The following SLC35D4 variants were observed in gnomAD, a reference collection of about 807,000 sequenced individuals.
SLC35D4 encodes UDP-N-acetylglucosamine transporter SLC35D4.
chr18:23,333,153 A>T, the SLC35D4 span, among the ~76,000 whole-genome samples: 1 of 152,250 alleles, frequency 6.6e-6, no homozygotes, highest in Non-Finnish European at 1.5e-5. Flanking sequence ...TAGAGTAAAC[A>T]TTCTTAAAAA....
At chr18:23,246,678 A>G in the SLC35D4 span, among the ~76,000 whole-genome samples, 2 of 151,418 alleles carry the variant, frequency 1.3e-5, no homozygotes, top group South Asian at 2.1e-4. Context: ...TGCTTGAGCC[A>G]CCGCACCCGG....
At chr18:23,417,720 T>A in the SLC35D4 span, among the ~76,000 whole-genome samples, 434 of 152,250 alleles carry the variant, frequency 2.9e-3, 3 homozygotes, top group African/African-American at 9.7e-3. Context: ...AACAAAAAAA[T>A]TTTTCATGGG....
At chr18:23,425,125 C>T in the SLC35D4 span, among the ~76,000 whole-genome samples, 33 of 152,228 alleles carry the variant, frequency 2.2e-4, no homozygotes, top group African/African-American at 7.0e-4. Context: ...ATTTTTGGGA[C>T]AGTCTCGCAC....
chr18:23,414,327 A>AAGGAAGGAAGGAAGGAAGGC, the SLC35D4 span, among the ~76,000 whole-genome samples: 2 of 139,788 alleles, frequency 1.4e-5, no homozygotes, highest in East Asian at 2.0e-4. Flanking sequence ...GGAAGGAAGG[A>AAGGAAGGAAGGAAGGAAGGC]AGGAAGGCAG....
At chr18:23,354,711 A>G in the SLC35D4 span, among the ~76,000 whole-genome samples, 3,757 of 152,208 alleles carry the variant, frequency 0.025, 52 homozygotes, top group Middle Eastern at 0.058. Flanking sequence ...CTATGCCTCT[A>G]GCCACAGGGG....
At chr18:23,428,041 G>T in the SLC35D4 span, among the ~76,000 whole-genome samples, 18 of 152,144 alleles carry the variant, frequency 1.2e-4, no homozygotes, top group South Asian at 3.7e-3. Context: ...AGAGGGGAGG[G>T]ATAGCATTAG....
the SLC35D4 span, chr18:23,421,235 C>T: frequency 1.3e-6 from 1 of 772,250 alleles, no homozygotes; most frequent in East Asian, 2.8e-5. Context: ...CAGTGAGACT[C>T]TGTCTCAAAA....
chr18:23,260,885 AAAGCT>A, the SLC35D4 span, among the ~76,000 whole-genome samples: 4 of 152,152 alleles, frequency 2.6e-5, no homozygotes, highest in Non-Finnish European at 2.9e-5. Context: ...GCTGCAAAGC[AAAGCT>A]GAGATTCAAA....
At chr18:23,408,860 C>A in the SLC35D4 span, among the ~76,000 whole-genome samples, 9 of 147,008 alleles carry the variant, frequency 6.1e-5, no homozygotes, top group East Asian at 9.9e-4. Context: ...ACCTGCCTGG[C>A]GCAGTGGCTC....
At chr18:23,314,250 T>C in the SLC35D4 span, among the ~76,000 whole-genome samples, 1 of 152,232 alleles carries the variant, frequency 6.6e-6, no homozygotes, top group African/African-American at 2.4e-5. Context: ...AAAGGCCTCA[T>C]GCTCCAAGGC....
chr18:23,310,954 A>T, the SLC35D4 span, among the ~76,000 whole-genome samples: 16 of 152,346 alleles, frequency 1.1e-4, no homozygotes, highest in Non-Finnish European at 2.2e-4. Flanking sequence ...AAAGAAGTAG[A>T]AGCCCAGCCA....
the SLC35D4 span, among the ~76,000 whole-genome samples, chr18:23,387,783 GTT>G: frequency 1.3e-5 from 2 of 151,472 alleles, no homozygotes; most frequent in African/African-American, 4.9e-5. Context: ...AACTCAAATT[GTT>G]TTTTTCTTTT....
At chr18:23,403,256 G>T in the SLC35D4 span, among the ~76,000 whole-genome samples, 2 of 152,162 alleles carry the variant, frequency 1.3e-5, no homozygotes, top group South Asian at 4.1e-4. Context: ...ACATGGGTGG[G>T]AACCGTATGT....
chr18:23,399,476 C>A, the SLC35D4 span: 38 of 1,153,452 alleles, frequency 3.3e-5, no homozygotes, highest in Middle Eastern at 2.0e-4. Context: ...TAAAGTGATT[C>A]TTTGCCCTTA....
chr18:23,272,322 G>A, the SLC35D4 span, among the ~76,000 whole-genome samples: 1 of 152,134 alleles, frequency 6.6e-6, no homozygotes, highest in Non-Finnish European at 1.5e-5. Context: ...TCTTCCACCT[G>A]TAGTCCCAGC....
chr18:23,274,232 AGCCCTACATTTCCATTGTAAAAATGG>A, the SLC35D4 span, among the ~76,000 whole-genome samples: 1 of 152,202 alleles, frequency 6.6e-6, no homozygotes, highest in Non-Finnish European at 1.5e-5. Context: ...CACGGCTCCC[AGCCCTACATTTCCATTGTAAAAATGG>A]GAGAGCTGAG....
At chr18:23,317,183 C>CA in the SLC35D4 span, among the ~76,000 whole-genome samples, 3 of 143,704 alleles carry the variant, frequency 2.1e-5, no homozygotes, top group African/African-American at 5.4e-5. Context: ...ACACACACAC[C>CA]CCACTAATAT....
chr18:23,275,408 A>G, the SLC35D4 span, among the ~76,000 whole-genome samples: 1 of 152,180 alleles, frequency 6.6e-6, no homozygotes, highest in African/African-American at 2.4e-5. Flanking sequence ...CTACTCAAGG[A>G]CCATGAACCG....
the SLC35D4 span, chr18:23,373,813 G>C: frequency 6.3e-7 from 1 of 1,599,402 alleles, no homozygotes; most frequent in Admixed American, 1.7e-5. Flanking sequence ...AACATCAAAG[G>C]TTTCCCTAAG....
Sources: gnomAD v4.1 joint callset for allele counts (sites outside exome capture counted in the v4.1 genomes callset) on GRCh38, gnomAD v4.1.1 for gene constraint, MANE v1.5 for transcripts, NCBI Gene and HGNC (gene_info 2026-07-23, HGNC 2026-07-21) for gene names.